Variants in NOX4 observed in about 807,000 individuals in gnomAD.
The protein encoded by NOX4 is NADPH oxidase 4.
NOX4 carries 69 observed loss-of-function variants against 87.6 expected under a neutral mutation model. That is an observed-to-expected ratio of 0.79 (90% CI 0.65 to 0.96). The LOEUF (loss-of-function observed/expected upper bound fraction) is 0.96. NOX4 is among the 40% of genes least tolerant of loss of function. NOX4 has a pLI of 0.00. For missense variants in NOX4, 680 were observed against 681.5 expected, an observed-to-expected ratio of 1.00 and a Z score of 0.02; for synonymous variants, 275 against 238.2, an observed-to-expected ratio of 1.15 and a Z score of -1.42.
chr11:89,508,512 G>A, the NOX4 span, among the ~76,000 whole-genome samples: 11 of 152,148 alleles, frequency 7.2e-5, no homozygotes, highest in East Asian at 1.9e-4. Flanking sequence ...TGTTTTGAAC[G>A]TGCCAGCTTC....
the NOX4 span, among the ~76,000 whole-genome samples, chr11:89,566,290 C>G: frequency 0.052 from 7,969 of 152,088 alleles, 220 homozygotes; most frequent in Middle Eastern, 0.065. Context: ...TGCTCCCCGC[C>G]CTTTGCCTCC....
chr11:89,339,274 G>A (rs1350856523), intron 15 of NOX4, among the ~76,000 whole-genome samples: 1 of 152,040 alleles, frequency 6.6e-6, no homozygotes, highest in African/African-American at 2.4e-5. Context: ...TGTTGGCACA[G>A]GGAAAAACAG....
the NOX4 span, among the ~76,000 whole-genome samples, chr11:89,522,749 A>G: frequency 6.6e-6 from 1 of 152,234 alleles, no homozygotes; most frequent in Admixed American, 6.5e-5. Context: ...TTTTCAATAT[A>G]AAAATTGTAT....
At chr11:89,467,756 A>C (rs1945769589) in intron 2 of NOX4, among the ~76,000 whole-genome samples, 1 of 152,226 alleles carries the variant, frequency 6.6e-6, no homozygotes, top group Non-Finnish European at 1.5e-5. Flanking sequence ...GGGGGGACAC[A>C]AATATTCAGT....
At chr11:89,531,582 T>C in the NOX4 span, among the ~76,000 whole-genome samples, 2 of 152,128 alleles carry the variant, frequency 1.3e-5, no homozygotes, top group Non-Finnish European at 2.9e-5. Flanking sequence ...AGTGACTGGG[T>C]CATGGGGGCA....
the NOX4 span, among the ~76,000 whole-genome samples, chr11:89,580,056 T>C: frequency 6.6e-6 from 1 of 152,200 alleles, no homozygotes; most frequent in Non-Finnish European, 1.5e-5. Context: ...AATGTAGCTC[T>C]AGAGAAGATA....
the NOX4 span, among the ~76,000 whole-genome samples, chr11:89,507,903 A>G: frequency 6.6e-6 from 1 of 151,952 alleles, no homozygotes; most frequent in South Asian, 2.1e-4. Context: ...TTAAAGGTCA[A>G]AGCATCTAAA....
intron 2 of NOX4, among the ~76,000 whole-genome samples, chr11:89,478,557 A>T (rs1946261191): frequency 6.6e-6 from 1 of 152,206 alleles, no homozygotes; most frequent in Non-Finnish European, 1.5e-5. Context: ...AGGTGATAGC[A>T]GACACTTGAT....
chr11:89,357,667 A>G (rs188470430), intron 12 of NOX4, among the ~76,000 whole-genome samples: 170 of 152,284 alleles, frequency 1.1e-3, no homozygotes, highest in African/African-American at 4.0e-3. Context: ...AAACAGCTAT[A>G]TGTGTTATGA....
At chr11:89,464,792 A>G (rs1053233256) in intron 2 of NOX4, among the ~76,000 whole-genome samples, 6 of 152,196 alleles carry the variant, frequency 3.9e-5, no homozygotes, top group African/African-American at 9.7e-5. Context: ...CTACAAATAG[A>G]TTTAAAATGA....
intron 11 of NOX4, among the ~76,000 whole-genome samples, chr11:89,394,952 G>A (rs765992708): frequency 1.1e-3 from 167 of 152,188 alleles, no homozygotes; most frequent in Middle Eastern, 3.4e-3. Flanking sequence ...GAATAGTGCC[G>A]CAATAAACAT....
intron 12 of NOX4, among the ~76,000 whole-genome samples, chr11:89,373,139 A>G (rs1939570315): frequency 6.6e-6 from 1 of 151,718 alleles, no homozygotes; most frequent in Non-Finnish European, 1.5e-5. Flanking sequence ...TATTGCCAGC[A>G]CACCTGACAA....
the NOX4 span, among the ~76,000 whole-genome samples, chr11:89,508,868 AT>A: frequency 6.6e-6 from 1 of 152,066 alleles, no homozygotes; most frequent in African/African-American, 2.4e-5. Flanking sequence ...CGGAGTTGTT[AT>A]TTAAATCCAG....
chr11:89,358,120 C>T (rs1565193629), intron 12 of NOX4, among the ~76,000 whole-genome samples: 1 of 151,996 alleles, frequency 6.6e-6, no homozygotes, highest in Non-Finnish European at 1.5e-5. Context: ...CATGGTGGCT[C>T]ACACCCATAA....
the NOX4 span, among the ~76,000 whole-genome samples, chr11:89,503,989 T>C: frequency 6.6e-6 from 1 of 151,098 alleles, no homozygotes; most frequent in Non-Finnish European, 1.5e-5. Flanking sequence ...AAACACTTAA[T>C]TGTATTTGAG....
chr11:89,575,751 C>T, the NOX4 span, among the ~76,000 whole-genome samples: 4 of 151,990 alleles, frequency 2.6e-5, no homozygotes, highest in African/African-American at 7.2e-5. Context: ...CTCTCTTCCT[C>T]CTTCTTCTTT....
the NOX4 span, among the ~76,000 whole-genome samples, chr11:89,517,900 A>C: frequency 3.9e-5 from 6 of 152,120 alleles, no homozygotes; most frequent in East Asian, 1.2e-3. Flanking sequence ...TGAATAAATA[A>C]AGTGAAATCT....
At chr11:89,545,689 G>T in the NOX4 span, 2 of 146,696 alleles carry the variant, frequency 1.4e-5, no homozygotes, top group Non-Finnish European at 3.0e-5. Flanking sequence ...CTCAAATTTG[G>T]ATAGCAGAAG....
chr11:89,374,197 C>T (rs1422202745), intron 11 of NOX4, among the ~76,000 whole-genome samples: 5 of 152,112 alleles, frequency 3.3e-5, no homozygotes, highest in Non-Finnish European at 4.4e-5. Context: ...CACTTACCCT[C>T]GATTCCAAAA....
Sources: allele counts gnomAD v4.1 joint callset (sites outside exome capture counted in the v4.1 genomes callset), GRCh38; gene constraint gnomAD v4.1.1; transcripts MANE v1.5; gene names NCBI Gene and HGNC (gene_info 2026-07-23, HGNC 2026-07-21).